HOMER2: variants seen among roughly 807,000 people sequenced by gnomAD.
The protein encoded by HOMER2 is homer scaffold protein 2.
Under a neutral mutation model 47.0 loss-of-function variants are expected in HOMER2, and 27 were observed. That is an observed-to-expected ratio of 0.57 (90% CI 0.42 to 0.79). The LOEUF is 0.79. HOMER2 is among the 30% of genes least tolerant of loss of function. HOMER2 has a pLI of 0.00. For missense variants in HOMER2, 443 were observed against 435.0 expected (o/e 1.02, Z -0.16); for synonymous variants, 161 against 163.8 (o/e 0.98, Z 0.13).
chr15:82,914,165 T>C (rs1276226205), intron 1 of HOMER2, among the ~76,000 whole-genome samples: 1 of 144,164 alleles, frequency 6.9e-6, no homozygotes, highest in African/African-American at 2.6e-5. Flanking sequence ...TGAAACCCCA[T>C]CTCTACTAAA....
chr15:82,971,704 T>C (rs148424188), intron 1 of HOMER2, among the ~76,000 whole-genome samples: 1 of 151,990 alleles, frequency 6.6e-6, no homozygotes, highest in Non-Finnish European at 1.5e-5. Context: ...TGTGCTAAAA[T>C]CAGTCCAGTT....
intron 1 of HOMER2, among the ~76,000 whole-genome samples, chr15:82,951,441 G>T (rs1434180750): frequency 6.6e-6 from 1 of 152,170 alleles, no homozygotes. Flanking sequence ...CACTGACCCA[G>T]GGGGGCTGAG....
chr15:82,932,853 C>A (rs972856421), intron 1 of HOMER2, among the ~76,000 whole-genome samples: 22 of 152,136 alleles, frequency 1.4e-4, no homozygotes, highest in Non-Finnish European at 7.4e-5. Context: ...CCTGTGCACA[C>A]CCCAACTGTG....
intron 1 of HOMER2, among the ~76,000 whole-genome samples, chr15:82,924,031 CAG>C (rs1271835827): frequency 6.6e-6 from 1 of 152,068 alleles, no homozygotes; most frequent in Non-Finnish European, 1.5e-5. Context: ...CATAGAGAGA[CAG>C]AGAAAGAGAG....
intron 1 of HOMER2, among the ~76,000 whole-genome samples, chr15:82,934,775 T>A (rs924952660): frequency 2.0e-5 from 3 of 152,244 alleles, no homozygotes; most frequent in African/African-American, 7.2e-5. Context: ...TTTAAATTCA[T>A]GTTCTCTGAC....
chr15:82,888,496 C>T (rs974752964), intron 2 of HOMER2, among the ~76,000 whole-genome samples: 1 of 3,072 alleles, frequency 3.3e-4, no homozygotes, highest in Admixed American at 4.1e-3. Flanking sequence ...CCCCCAGCCT[C>T]GTTGCCGCCT....
intron 8 of HOMER2, 58 bp downstream of exon 8, chr15:82,851,093 C>A: frequency 9.2e-7 from 1 of 1,082,478 alleles, no homozygotes; most frequent in Non-Finnish European, 1.4e-6. Context: ...AAAATGAGTA[C>A]CATGACATTT....
chr15:82,945,827 G>A (rs897447237), intron 1 of HOMER2, among the ~76,000 whole-genome samples: 16 of 151,976 alleles, frequency 1.1e-4, no homozygotes, highest in East Asian at 1.9e-4. Flanking sequence ...AAAATTAGCC[G>A]GGTGTGGTGG....
At chr15:82,970,291 C>A (rs906908742) in intron 1 of HOMER2, among the ~76,000 whole-genome samples, 1 of 152,100 alleles carries the variant, frequency 6.6e-6, no homozygotes, top group African/African-American at 2.4e-5. Flanking sequence ...TTGAGAGGGC[C>A]CAAGAGAAGG....
chr15:82,869,450 CTTTTTTTTTTTTT>C (rs71822678), intron 3 of HOMER2, among the ~76,000 whole-genome samples: 2 of 70,240 alleles, frequency 2.8e-5, no homozygotes, highest in South Asian at 6.0e-4. Context: ...TACTAAACAT[CTTTTTTTTTTTTT>C]TTTTTTTTTT....
intron 6 of HOMER2, 71 bp downstream of exon 6, chr15:82,854,573 G>A: frequency 1.3e-6 from 2 of 1,490,910 alleles, no homozygotes; most frequent in Non-Finnish European, 1.8e-6. Flanking sequence ...GAGAAAAAGG[G>A]TTGTGGGTGC....
chr15:82,940,513 G>A (rs2054240163), intron 1 of HOMER2, among the ~76,000 whole-genome samples: 3 of 152,224 alleles, frequency 2.0e-5, no homozygotes, highest in Admixed American at 2.0e-4. Context: ...GGAGGCCAAG[G>A]CGGGCGGATC....
At chr15:82,971,379 GAGAT>G (rs1423455687) in intron 1 of HOMER2, among the ~76,000 whole-genome samples, 1 of 151,960 alleles carries the variant, frequency 6.6e-6, no homozygotes, top group Non-Finnish European at 1.5e-5. Context: ...GAGAGAGAGA[GAGAT>G]AGCGAGAGAG....
chr15:82,907,531 CAG>C (rs1249561651), intron 1 of HOMER2, among the ~76,000 whole-genome samples: 1 of 150,528 alleles, frequency 6.6e-6, no homozygotes, highest in Non-Finnish European at 1.5e-5. Flanking sequence ...AAGAGAGAGA[CAG>C]AAAGGGAGAG....
At position 82,843,391 on chromosome 15, in the gene HOMER2, C is replaced by G. The variant is rs187037802; in HGVS notation, c.*3883G>C. On this transcript the variant is annotated 3_prime_UTR_variant, in exon 2 of 2. Transcript: ENST00000558090. The stretch of plus-strand genomic sequence containing the variant: ...CCCGGGAGGCGCAGGTTGCAGTGAG[C>G]TGAGATCACGCCACTGCACTCCAGC... 4 of 124,276 alleles carry G rather than the reference C, an allele frequency of 3.2e-5. No homozygotes were observed. In the East Asian group the frequency reaches 7.7e-4, roughly 24 times the overall value. The allele number at this position is 124,276 out of a possible 1,614,324, so 7.7% of individuals were successfully genotyped here.
intron 3 of HOMER2, among the ~76,000 whole-genome samples, chr15:82,874,904 A>G (rs2052297699): frequency 6.6e-6 from 1 of 152,186 alleles, no homozygotes; most frequent in Admixed American, 6.5e-5. Context: ...AAGGTCACCT[A>G]ATCCTCAGAG....
At chr15:82,845,562 T>TGCA (rs2051232046), downstream of HOMER2, 1 of 152,236 alleles carries the variant, frequency 6.6e-6, no homozygotes, top group South Asian at 2.1e-4. Context: ...ACATTGATCT[T>TGCA]GCAAGCTTCT....
chr15:82,919,168 A>T (rs1371272522), intron 1 of HOMER2, among the ~76,000 whole-genome samples: 1 of 152,174 alleles, frequency 6.6e-6, no homozygotes, highest in Non-Finnish European at 1.5e-5. Context: ...GGAAACACTG[A>T]CCTAGATTAC....
At chr15:82,856,132 A>C (rs1358885649) in intron 5 of HOMER2, among the ~76,000 whole-genome samples, 1 of 152,246 alleles carries the variant, frequency 6.6e-6, no homozygotes, top group East Asian at 1.9e-4. Flanking sequence ...CTGACTGAAG[A>C]AATAATAAAA....
Sources: allele counts gnomAD v4.1 joint callset (sites outside exome capture counted in the v4.1 genomes callset), GRCh38; gene constraint gnomAD v4.1.1; transcripts MANE v1.5; gene names NCBI Gene and HGNC (gene_info 2026-07-23, HGNC 2026-07-21).